The following AIFM2 variants were observed in gnomAD, a reference collection of about 807,000 sequenced individuals.
AIFM2 encodes ferroptosis suppressor protein 1.
Under a neutral mutation model 35.7 loss-of-function variants are expected in AIFM2, and 38 were observed. The observed-to-expected ratio is 1.06, with a 90% CI of 0.82 to 1.39. The LOEUF (loss-of-function observed/expected upper bound fraction) is 1.39, where lower values mean the gene tolerates loss of function less well. AIFM2 is among the 40% of genes most tolerant of loss of function. The probability of loss-of-function intolerance (pLI) is 0.00; values close to 1 mark genes in which losing one functional copy is unlikely to be tolerated. For missense variants in AIFM2, 476 were observed against 491.2 expected (o/e 0.97, Z 0.29); for synonymous variants, 185 against 203.5 (o/e 0.91, Z 0.77).
Position 70,114,215 on chromosome 10 carries a change from G to A in AIFM2, c.1085C>T (p.Ser362Phe). The change falls in exon 9 of 9, where the codon TCT becomes TTT. Residue 362 changes from serine (S) to phenylalanine (F), a missense_variant. Physicochemically the swap from Ser to Phe is radical, Grantham distance 155 (BLOSUM62 -2). Transcript: ENST00000307864. Reference protein sequence around the residue: ...RLTKSRDLFVSTSWKTMRQSP... With the variant: ...RLTKSRDLFVFTSWKTMRQSP... ...CTGCCTCATGGTTTTCCAGCTCGTA[G>A]AGACGAACAGGTCCCGGCTCTTGGT... 1 of 1,613,856 alleles carries A rather than the reference G, an allele frequency of 6.2e-7. No individual in the cohort carries two copies. Among genetic ancestry groups the A allele is most frequent in the East Asian group, 2.2e-5 (1 of 44,854 alleles).
At chr10:70,121,254 A>G in intron 3 of AIFM2, 43 bp from the exon 4 acceptor site, 4 of 1,280,120 alleles carry the variant, frequency 3.1e-6, no homozygotes, top group Non-Finnish European at 4.1e-6. Context: ...AAAAAAAAAG[A>G]TGAGGGTAGG....
Position 70,131,615 on chromosome 10 carries a change from A to C in AIFM2, c.-14+1119T>G, listed in dbSNP as rs1589854265. On this transcript the variant is annotated intron_variant, in intron 1 of 8. Coordinates refer to ENST00000307864, the MANE Select transcript of AIFM2 (RefSeq NM_032797.6). The surrounding 1 kb of genome is among the most constrained non-coding windows in gnomAD (Gnocchi z 4.1). ...CCTCAGAGCCAGTTTTGTGGTCCCC[A>C]TGGTCTGCCCACCACCTGTACCTGG... Among the ~76,000 whole-genome samples, 1 of 152,202 alleles carries C rather than the reference A, an allele frequency of 6.6e-6. No homozygotes were observed. The highest frequency in any genetic ancestry group is 6.5e-5 in the Admixed American group (1 of 15,280).
Position 70,120,992 on chromosome 10 carries a change from C to T in AIFM2, c.414+100G>A, listed in dbSNP as rs144998044. 99 of 1,513,498 alleles carry T rather than the reference C, an allele frequency of 6.5e-5. No individual in the cohort carries two copies. In the African/African-American group the frequency reaches 7.2e-4, roughly 11 times the overall value. The allele number at this position is 1,513,498 out of a possible 1,614,324, so 93.8% of individuals were successfully genotyped here. On this transcript the variant is annotated intron_variant, in intron 4 of 8. Coordinates refer to ENST00000307864, the MANE Select transcript of AIFM2 (RefSeq NM_032797.6). ...CCAACTCTATGGCTACAGCCAGCAG[C>T]TCTGAGTAACCCCGTGGCCTCCCAG...
In AIFM2 at chr10:70,113,903, C is replaced by T. The variant is rs945307323; in HGVS notation, c.*275G>A. ...GCAGAGGAAGGGCTGGCTGTGGCCT[C>T]CCCAGCACCATGCAGCCAGCACACA... On this transcript the variant is annotated 3_prime_UTR_variant, in exon 9 of 9. Transcript: ENST00000307864. 1.5e-5 allele frequency: 6 copies of T among 413,696 alleles called. No individual in the cohort carries two copies. The highest frequency in any genetic ancestry group is 2.6e-5 in the Non-Finnish European group (6 of 227,320). The allele number at this position is 413,696 out of a possible 1,614,324, so 25.6% of individuals were successfully genotyped here.
At chr10:70,126,561 C>A (rs2072568223) in intron 1 of AIFM2, among the ~76,000 whole-genome samples, 3 of 152,308 alleles carry the variant, frequency 2.0e-5, no homozygotes, top group Admixed American at 6.5e-5. Flanking sequence ...TCAATTTACC[C>A]CCTATAATGG....
At position 70,131,611 on chromosome 10, in the gene AIFM2, C is replaced by T. The variant is rs1181115858; in HGVS notation, c.-14+1123G>A. Among the ~76,000 whole-genome samples, 2 of 152,210 alleles carry T rather than the reference C, an allele frequency of 1.3e-5. No individual in the cohort carries two copies. Among genetic ancestry groups the T allele is most frequent in the Admixed American group, 6.5e-5 (1 of 15,284 alleles). On this transcript the variant is annotated intron_variant, in intron 1 of 8. Transcript: ENST00000307864. This position sits in a 1 kb window ranked among gnomAD's most constrained non-coding sequence, Gnocchi z 4.1. ...TCCTCCTCAGAGCCAGTTTTGTGGT[C>T]CCCATGGTCTGCCCACCACCTGTAC...
In AIFM2 at chr10:70,114,923, GC is replaced by G; in HGVS notation, c.966del (p.Lys322AsnfsTer5). The G allele has an allele frequency of 6.2e-7, 1 of 1,613,968 alleles. No homozygotes were observed. Among genetic ancestry groups the G allele is most frequent in the Non-Finnish European group, 8.5e-7 (1 of 1,179,944 alleles). ...AAGCACATGGGGCCTCTCTTACCCG[GC>G]TTGTAGGCCTGGAGAGGCCGCTGCT... The part of the protein sequence containing the change: ...SVKQRPLQAY[K>X]PGALTFLLSM... On this transcript the variant is annotated frameshift_variant, in exon 8 of 9. Coordinates refer to ENST00000307864, the MANE Select transcript of AIFM2 (RefSeq NM_032797.6). LOFTEE classifies it high-confidence loss of function.
rs2072488087 is a variant in AIFM2, at chr10:70,120,509, C to T, written c.505G>A (p.Glu169Lys). ...AEIKTEYPEK[E>K]VTLIHSQVAL... ...CAAGGCAAGGCAGCCTGGCTCACCT[C>T]TTTCTCAGGATATTCTGTTTTAATC... Residue 169 changes from glutamate to lysine, a missense_variant and splice_region_variant, in exon 5 of 9, where the codon GAG becomes AAG. Coordinates refer to ENST00000307864, the MANE Select transcript of AIFM2 (RefSeq NM_032797.6). 3 of 1,614,096 alleles carry T rather than the reference C, an allele frequency of 1.9e-6. No homozygotes were observed. In the African/African-American group the frequency reaches 4.0e-5, roughly 22 times the overall value.
intron 1 of AIFM2, among the ~76,000 whole-genome samples, chr10:70,126,805 G>C (rs2072571614): frequency 6.6e-6 from 1 of 152,220 alleles, no homozygotes; most frequent in African/African-American, 2.4e-5. Flanking sequence ...ACAATGGATT[G>C]GAGGGAATTT....
chr10:70,125,478 C>T (rs921004131), intron 1 of AIFM2, among the ~76,000 whole-genome samples: 2 of 129,986 alleles, frequency 1.5e-5, no homozygotes, highest in Admixed American at 8.0e-5. Flanking sequence ...AAAAGCCAGG[C>T]GTGGTGATGG....
chr10:70,126,369 G>T (rs1176837810), intron 1 of AIFM2, among the ~76,000 whole-genome samples: 2 of 152,146 alleles, frequency 1.3e-5, no homozygotes, highest in Non-Finnish European at 2.9e-5. Flanking sequence ...GACTGGAGCG[G>T]GTGTCAGCGA....
At chr10:70,116,861 G>A (rs950429547) in intron 6 of AIFM2, 87 bp from the exon 7 acceptor site, 7 of 1,549,596 alleles carry the variant, frequency 4.5e-6, no homozygotes, top group Non-Finnish European at 6.2e-6. Context: ...CCTGGGGAGG[G>A]CCTGGACCTC....
In AIFM2 at chr10:70,120,624, G is replaced by A. The variant is rs768375332; in HGVS notation, c.415-25C>T. ...CCTGGAGAAGAGGACATGTGAAACA[G>A]GGACATATGAAACACACCTACACAT... On this transcript the variant is annotated intron_variant, in intron 4 of 8. Coordinates refer to ENST00000307864, the MANE Select transcript of AIFM2 (RefSeq NM_032797.6). The A allele has an allele frequency of 5.0e-6, 8 of 1,612,638 alleles. No individual in the cohort carries two copies. The African/African-American group carries it at 6.7e-5, about 13-fold the overall frequency.
chr10:70,123,997 G>A lies in AIFM2; in HGVS notation c.88C>T (p.Leu30=). ...ATGAAGGGGACGTTCAGGGCCTGCAGCTGGCTGGCTGCTGCGATCCCGCCA... is the reference window on the plus strand; with the variant it reads ...ATGAAGGGGACGTTCAGGGCCTGCAACTGGCTGGCTGCTGCGATCCCGCCA... ...GFGGIAAASQ[L]QALNVPFMLV... Residue 30 remains leucine, a synonymous_variant, in exon 2 of 9, where the codon CTG becomes TTG. Transcript: ENST00000307864. 2 of 1,613,144 alleles carry A rather than the reference G, an allele frequency of 1.2e-6. No homozygotes were observed. The highest frequency in any genetic ancestry group is 1.7e-6 in the Non-Finnish European group (2 of 1,179,500).
chr10:70,116,277 A>G (rs923546991), intron 7 of AIFM2, among the ~76,000 whole-genome samples: 1 of 152,232 alleles, frequency 6.6e-6, no homozygotes, highest in Non-Finnish European at 1.5e-5. Context: ...CACGCCTGCC[A>G]AGAGAGGAAG....
At chr10:70,127,387 A>G (rs1241007414) in intron 1 of AIFM2, among the ~76,000 whole-genome samples, 2 of 152,212 alleles carry the variant, frequency 1.3e-5, no homozygotes, top group African/African-American at 4.8e-5. Flanking sequence ...AGAGCCCTGA[A>G]AAAGAGCTGA....
chr10:70,116,881 A>C, intron 6 of AIFM2, 107 bp from the exon 7 acceptor site: 1 of 1,387,830 alleles, frequency 7.2e-7, no homozygotes, highest in Non-Finnish European at 1.0e-6. Context: ...CTGGGGCCCA[A>C]CTGGGCAATG....
chr10:70,115,523 T>C (rs1401581778), intron 7 of AIFM2, among the ~76,000 whole-genome samples: 1 of 152,224 alleles, frequency 6.6e-6, no homozygotes, highest in Non-Finnish European at 1.5e-5. Context: ...TCCCAACTCT[T>C]TGGGAGGCCG....
At position 70,117,678 on chromosome 10, in the gene AIFM2, C is replaced by T. The variant is rs573189049; in HGVS notation, c.616+134G>A. 1.5e-6 allele frequency: 1 copy of T among 661,060 alleles called. No homozygotes were observed. The highest frequency in any genetic ancestry group is 3.2e-5 in the Admixed American group (1 of 30,832). 40.9% of individuals were successfully genotyped at this position (661,060 alleles called of 1,614,324 possible). On this transcript the variant is annotated intron_variant, in intron 6 of 8. Coordinates refer to ENST00000307864, the MANE Select transcript of AIFM2 (RefSeq NM_032797.6). This position sits in a 1 kb window ranked among gnomAD's most constrained non-coding sequence, Gnocchi z 4.7. ...CCTCTTCTGAGCGCTTCATGCTCCACCCCAGGACACAGTGGAAAAGAGAGA... is the reference window on the plus strand; with the variant it reads ...CCTCTTCTGAGCGCTTCATGCTCCATCCCAGGACACAGTGGAAAAGAGAGA...
Sources: allele counts gnomAD v4.1 joint callset (sites outside exome capture counted in the v4.1 genomes callset), GRCh38; gene constraint gnomAD v4.1.1; non-coding constraint Gnocchi (gnomAD v3.1); transcripts MANE v1.5; gene names NCBI Gene and HGNC (gene_info 2026-07-23, HGNC 2026-07-21).